The following PCM1 variants were observed in gnomAD, a reference collection of about 807,000 sequenced individuals.
PCM1 encodes the protein pericentriolar material 1 protein.
Under a neutral mutation model 241.9 loss-of-function variants are expected in PCM1, and 157 were observed. That is an observed-to-expected ratio of 0.65 (90% CI 0.57 to 0.74). The LOEUF is 0.74. PCM1 is among the 30% of genes least tolerant of loss of function. The pLI, the probability that PCM1 is intolerant of heterozygous loss-of-function variation, is 0.00. For synonymous variants in PCM1, 1,085 were observed against 784.9 expected (o/e 1.38, Z -6.39); for missense variants, 3,478 against 2,360.1 (o/e 1.47, Z -9.81).
Position 18,011,279 on chromosome 8 carries a change from G to A in PCM1, c.5263G>A (p.Glu1755Lys). 1 of 1,606,636 alleles carries A rather than the reference G, an allele frequency of 6.2e-7. No individual in the cohort carries two copies. Among genetic ancestry groups the A allele is most frequent in the African/African-American group, 1.3e-5 (1 of 74,928 alleles). Reference protein sequence around the residue: ...TETVKQTQTSEVYDGPKNVRS... With the variant: ...TETVKQTQTSKVYDGPKNVRS... ...AACAGTTAAGCAGACTCAAACATCTGAGGTGTATGATGGTCCCAAAAATGT... is the reference window on the plus strand; with the variant it reads ...AACAGTTAAGCAGACTCAAACATCTAAGGTGTATGATGGTCCCAAAAATGT... Residue 1755 changes from glutamate (E) to lysine (K), a missense_variant, in exon 33 of 39, where the codon GAG becomes AAG. Glu to Lys is a moderately conservative substitution (Grantham distance 56). Transcript: ENST00000325083.
chr8:17,972,613 C>T lies in PCM1; in HGVS notation c.3869C>T (p.Ser1290Phe), dbSNP rs1223379503. 2.5e-6 allele frequency: 4 copies of T among 1,589,874 alleles called. No homozygotes were observed. Among genetic ancestry groups the T allele is most frequent in the Non-Finnish European group, 3.4e-6 (4 of 1,172,102 alleles). ...GCGTCTGCACAGGCCAGCCTGGCAT[C>T]TAAAGATAAAACTCCCAAGTCAAAA... is the stretch of plus-strand genomic sequence containing the variant. The part of the protein sequence containing the change: ...RKASAQASLA[S>F]KDKTPKSKSK... The change falls in exon 23 of 39, where the codon TCT becomes TTT. Residue 1290 changes from serine to phenylalanine, a missense_variant. Transcript: ENST00000325083.
At chr8:17,942,731 C>T (rs977277901) in intron 6 of PCM1, among the ~76,000 whole-genome samples, 35 of 152,064 alleles carry the variant, frequency 2.3e-4, no homozygotes, top group African/African-American at 8.0e-4. Context: ...CACGGTGGCT[C>T]ACGCCTGTAA....
At chr8:17,994,023 A>C (rs1322034966) in intron 29 of PCM1, among the ~76,000 whole-genome samples, 1 of 152,186 alleles carries the variant, frequency 6.6e-6, no homozygotes, top group African/African-American at 2.4e-5. Context: ...TCAAGCATTT[A>C]ACCTTTGTGT....
At chr8:17,968,381 C>A (rs1000850454) in intron 21 of PCM1, among the ~76,000 whole-genome samples, 2 of 151,962 alleles carry the variant, frequency 1.3e-5, no homozygotes, top group Non-Finnish European at 2.9e-5. Flanking sequence ...TGAAAGTGTT[C>A]GGGAGAAGTT....
intron 2 of PCM1, chr8:17,926,893 T>G (rs895815226): frequency 6.6e-6 from 1 of 151,976 alleles, no homozygotes; most frequent in Non-Finnish European, 1.5e-5. Flanking sequence ...AATTATCAGT[T>G]CAGTATTGGA....
At chr8:17,931,447 G>A (rs1481047407) in intron 2 of PCM1, among the ~76,000 whole-genome samples, 1 of 151,966 alleles carries the variant, frequency 6.6e-6, no homozygotes, top group Non-Finnish European at 1.5e-5. Context: ...TGCCACCATG[G>A]CTGGCTAGTT....
At chr8:17,958,280 A>G (rs2069658727) in intron 13 of PCM1, among the ~76,000 whole-genome samples, 1 of 152,160 alleles carries the variant, frequency 6.6e-6, no homozygotes, top group Non-Finnish European at 1.5e-5. Flanking sequence ...CTGATACCAG[A>G]GCCTGCGATC....
intron 36 of PCM1, among the ~76,000 whole-genome samples, chr8:18,016,525 G>A (rs2093223122): frequency 1.3e-5 from 2 of 152,184 alleles, no homozygotes; most frequent in African/African-American, 4.8e-5. Context: ...AAATGCCTTA[G>A]AAACAATGGG....
At chr8:17,945,357 C>T (rs1055199774) in intron 6 of PCM1, among the ~76,000 whole-genome samples, 4 of 151,940 alleles carry the variant, frequency 2.6e-5, no homozygotes, top group Non-Finnish European at 2.9e-5. Flanking sequence ...ATTAGAGGTT[C>T]AAGACAACAG....
chr8:18,026,081 G>A (rs111943175), intron 38 of PCM1, among the ~76,000 whole-genome samples: 10,917 of 137,266 alleles, frequency 0.08, 661 homozygotes, highest in East Asian at 0.31. Context: ...GGAGAATGGC[G>A]TGAACCCAGG....
chr8:17,982,523 C>G (rs1052937827), intron 24 of PCM1: 3 of 152,018 alleles, frequency 2.0e-5, no homozygotes, highest in African/African-American at 4.8e-5. Context: ...GAGACCGAGT[C>G]TCGCTCTGTC....
intron 25 of PCM1, 92 bp downstream of exon 25, chr8:17,985,711 A>G (rs1465586704): frequency 1.0e-6 from 1 of 996,494 alleles, no homozygotes; most frequent in Non-Finnish European, 1.5e-6. Flanking sequence ...CATGTGCCAT[A>G]TGAATTTTCA....
intron 34 of PCM1, among the ~76,000 whole-genome samples, chr8:18,012,196 G>A (rs957554488): frequency 7.2e-5 from 11 of 152,040 alleles, no homozygotes; most frequent in African/African-American, 2.4e-4. Flanking sequence ...ACTGTTTTTA[G>A]TGGTGTGATT....
chr8:17,934,410 T>G (rs935736502), intron 2 of PCM1, among the ~76,000 whole-genome samples: 5 of 151,900 alleles, frequency 3.3e-5, no homozygotes, highest in African/African-American at 4.8e-5. Flanking sequence ...TACAGGCACC[T>G]GCCACCACAC....
intron 36 of PCM1, among the ~76,000 whole-genome samples, chr8:18,016,791 C>T (rs1761828750): frequency 6.6e-6 from 1 of 152,220 alleles, no homozygotes; most frequent in African/African-American, 2.4e-5. Context: ...TACCCTTTCA[C>T]TCTGGACGAT....
At chr8:17,993,425 C>G (rs75645272) in intron 28 of PCM1, 58 bp from the exon 29 acceptor site, 3 of 1,157,918 alleles carry the variant, frequency 2.6e-6, no homozygotes, top group Non-Finnish European at 3.6e-6. Flanking sequence ...AACATAAAGG[C>G]ATATATGTAT....
intron 6 of PCM1, among the ~76,000 whole-genome samples, chr8:17,944,524 T>A (rs2063174838): frequency 6.6e-6 from 1 of 152,164 alleles, no homozygotes; most frequent in Non-Finnish European, 1.5e-5. Context: ...ACTCAGGGTT[T>A]GATGCCTAAG....
At chr8:17,979,979 T>C (rs931723124) in intron 23 of PCM1, among the ~76,000 whole-genome samples, 1 of 151,966 alleles carries the variant, frequency 6.6e-6, no homozygotes, top group African/African-American at 2.4e-5. Flanking sequence ...ACCCCAAATA[T>C]TGGAATTTAA....
At chr8:17,938,396 T>C (rs989757804) in intron 4 of PCM1, among the ~76,000 whole-genome samples, 2 of 152,210 alleles carry the variant, frequency 1.3e-5, no homozygotes, top group African/African-American at 4.8e-5. Flanking sequence ...ATCTCATGTT[T>C]ATGCATATAT....
Sources: gnomAD v4.1 joint callset for allele counts (sites outside exome capture counted in the v4.1 genomes callset) on GRCh38, gnomAD v4.1.1 for gene constraint, MANE v1.5 for transcripts, NCBI Gene and HGNC (gene_info 2026-07-23, HGNC 2026-07-21) for gene names.